The following FRYL variants were observed in gnomAD, a reference collection of about 807,000 sequenced individuals.
FRYL encodes the protein protein furry homolog-like.
A neutral mutation model predicts 351.2 loss-of-function variants in FRYL; 150 were observed. That is an observed-to-expected ratio of 0.43 (90% CI 0.37 to 0.49). The LOEUF (loss-of-function observed/expected upper bound fraction) is 0.49. FRYL is among the 20% of genes least tolerant of loss of function. The pLI, the probability that FRYL is intolerant of heterozygous loss-of-function variation, is 0.00. For missense variants in FRYL, 3,036 were observed against 3,619.3 expected, an observed-to-expected ratio of 0.84 and a Z score of 4.13; for synonymous variants, 1,153 against 1,257.1, an observed-to-expected ratio of 0.92 and a Z score of 1.75.
chr4:48,749,677 T>G (rs962416447), intron 1 of FRYL, among the ~76,000 whole-genome samples: 3 of 152,190 alleles, frequency 2.0e-5, no homozygotes, highest in African/African-American at 7.2e-5. Context: ...TAGAGAATGT[T>G]CTGGCTGTTC....
At chr4:48,628,358 AT>A (rs1421400735) in intron 4 of FRYL, among the ~76,000 whole-genome samples, 2 of 151,972 alleles carry the variant, frequency 1.3e-5, no homozygotes, top group Non-Finnish European at 2.9e-5. Flanking sequence ...ATAATCTCCA[AT>A]TTAGATTGTT....
chr4:48,588,551 AC>A (rs1742605538), intron 18 of FRYL, among the ~76,000 whole-genome samples: 1 of 152,170 alleles, frequency 6.6e-6, no homozygotes, highest in Non-Finnish European at 1.5e-5. Context: ...TGCTGCAGTG[AC>A]CACCTCTCAG....
chr4:48,555,677 C>A (rs991886376), intron 35 of FRYL, among the ~76,000 whole-genome samples: 13 of 152,174 alleles, frequency 8.5e-5, no homozygotes, highest in African/African-American at 2.9e-4. Context: ...GAGCACCAGA[C>A]AGAATATAGG....
chr4:48,693,286 T>C (rs1765837944), intron 2 of FRYL, among the ~76,000 whole-genome samples: 1 of 152,250 alleles, frequency 6.6e-6, no homozygotes, highest in African/African-American at 2.4e-5. Flanking sequence ...CAAAAAGGTT[T>C]TTAAGATTCT....
intron 3 of FRYL, among the ~76,000 whole-genome samples, chr4:48,669,189 T>G (rs531571592): frequency 7.7e-4 from 117 of 152,308 alleles, no homozygotes; most frequent in Non-Finnish European, 1.5e-3. Flanking sequence ...TACCTTAGAT[T>G]CAATACTGCT....
At chr4:48,501,394 A>G (rs922709917) in intron 62 of FRYL, among the ~76,000 whole-genome samples, 3 of 152,140 alleles carry the variant, frequency 2.0e-5, no homozygotes, top group Non-Finnish European at 2.9e-5. Flanking sequence ...TGTGTCTACT[A>G]TGGAAACCTT....
intron 3 of FRYL, among the ~76,000 whole-genome samples, chr4:48,644,802 C>T (rs1756059328): frequency 6.6e-6 from 1 of 151,608 alleles, no homozygotes; most frequent in Non-Finnish European, 1.5e-5. Context: ...GACCTGTAGC[C>T]TAGAGAGCAA....
chr4:48,548,940 C>T (rs1429723243), intron 39 of FRYL, 147 bp from the exon 40 acceptor site: 1 of 576,372 alleles, frequency 1.7e-6, no homozygotes, highest in Non-Finnish European at 3.1e-6. Flanking sequence ...ACAAATACAG[C>T]TGAAGAAAAC....
chr4:48,749,141 A>G (rs1772984554), intron 1 of FRYL, among the ~76,000 whole-genome samples: 2 of 152,238 alleles, frequency 1.3e-5, no homozygotes, highest in Non-Finnish European at 2.9e-5. Context: ...CTGCACTCCG[A>G]GGTAAGGAGG....
At chr4:48,621,105 C>T (rs1252480996) in intron 5 of FRYL, among the ~76,000 whole-genome samples, 1 of 152,132 alleles carries the variant, frequency 6.6e-6, no homozygotes, top group Non-Finnish European at 1.5e-5. Flanking sequence ...GGAAGCATTA[C>T]AAATAACATG....
chr4:48,502,672 C>G (rs992101077), intron 61 of FRYL, among the ~76,000 whole-genome samples, 156 bp downstream of exon 61: 5 of 151,984 alleles, frequency 3.3e-5, no homozygotes, highest in Admixed American at 3.3e-4. Context: ...AAAGAACCAA[C>G]ATTTCATGGA....
At chr4:48,615,612 T>C (rs1749260839) in intron 7 of FRYL, among the ~76,000 whole-genome samples, 2 of 152,264 alleles carry the variant, frequency 1.3e-5, no homozygotes, top group African/African-American at 4.8e-5. Context: ...ACCCCAAATT[T>C]ATTCTAATGA....
At chr4:48,687,177 T>C (rs1436054780) in intron 2 of FRYL, among the ~76,000 whole-genome samples, 3 of 152,158 alleles carry the variant, frequency 2.0e-5, no homozygotes, top group Non-Finnish European at 4.4e-5. Flanking sequence ...AGGAGAGCAA[T>C]TTTTACTACT....
chr4:48,578,879 T>G (rs1740254105), intron 23 of FRYL, 94 bp downstream of exon 23: 1 of 1,096,806 alleles, frequency 9.1e-7, no homozygotes, highest in Admixed American at 2.4e-5. Context: ...TTTATGGGCC[T>G]TCCAATCTGT....
intron 3 of FRYL, among the ~76,000 whole-genome samples, chr4:48,654,836 A>G (rs1369933240): frequency 6.6e-6 from 1 of 152,224 alleles, no homozygotes; most frequent in African/African-American, 2.4e-5. Context: ...CAGTAGAAAA[A>G]ATTCACAACC....
chr4:48,529,415 G>A (rs997499993), intron 50 of FRYL, among the ~76,000 whole-genome samples: 5 of 152,140 alleles, frequency 3.3e-5, no homozygotes, highest in Non-Finnish European at 7.4e-5. Flanking sequence ...TATATAAAAT[G>A]TTTTGAGAAT....
In FRYL at chr4:48,743,215, C is replaced by T. The variant is rs114447236; in HGVS notation, c.-383-32517G>A. Among the ~76,000 whole-genome samples, 673 of 152,044 alleles carry T rather than the reference C, an allele frequency of 4.4e-3. 8 individuals carry two copies. Among genetic ancestry groups the T allele is most frequent in the African/African-American group, 0.015 (609 of 41,480 alleles). On this transcript the variant is annotated intron_variant, in intron 1 of 63. Transcript: ENST00000358350. Reference sequence around the variant, plus strand: ...CAAAGGCAGAAAAGTAGAAAGAACACTGAATTTACAAGCCTTTCACTAAAT... The same window carrying T: ...CAAAGGCAGAAAAGTAGAAAGAACATTGAATTTACAAGCCTTTCACTAAAT...
intron 1 of FRYL, among the ~76,000 whole-genome samples, chr4:48,736,850 G>GAAAAAAAAAAAAAAAAAA (rs368006420): frequency 1.5e-4 from 6 of 40,598 alleles, no homozygotes; most frequent in Non-Finnish European, 2.2e-4. Flanking sequence ...ACTCTGTCTC[G>GAAAAAAAAAAAAAAAAAA]AAAAAAAAAA....
At position 48,549,166 on chromosome 4, in the gene FRYL, C is replaced by T. The variant is rs1235327134; in HGVS notation, c.4784+307G>A. Among the ~76,000 whole-genome samples, 1 of 152,094 alleles carries T rather than the reference C, an allele frequency of 6.6e-6. No homozygotes were observed. The highest frequency in any genetic ancestry group is 1.5e-5 in the Non-Finnish European group (1 of 68,026). On this transcript the variant is annotated intron_variant, in intron 39 of 63. Transcript: ENST00000358350. The surrounding 1 kb of genome is among the most constrained non-coding windows in gnomAD (Gnocchi z 4.2). ...AAGTAGAATTCAATTTAACTCGATG[C>T]AAAATAATAGTGCCTACCATAGGAA... is the stretch of plus-strand genomic sequence containing the variant.
Sources: allele counts gnomAD v4.1 joint callset (sites outside exome capture counted in the v4.1 genomes callset), GRCh38; gene constraint gnomAD v4.1.1; non-coding constraint Gnocchi (gnomAD v3.1); transcripts MANE v1.5; gene names NCBI Gene and HGNC (gene_info 2026-07-23, HGNC 2026-07-21).